Variants in PEG3 observed in about 807,000 individuals in gnomAD.
PEG3 encodes paternally-expressed gene 3 protein.
In PEG3, 23 loss-of-function variants were observed where a neutral mutation model predicts 35.5. The ratio of observed to expected loss-of-function variants is 0.65; its 90% CI spans 0.47 to 0.92. The LOEUF (loss-of-function observed/expected upper bound fraction) is 0.92. Ranked by LOEUF, PEG3 falls within the 40% of genes least tolerant of loss-of-function variation. PEG3 has a pLI of 0.00. For missense variants in PEG3, 1,960 were observed against 1,985.3 expected (o/e 0.99, Z 0.24); for synonymous variants, 707 against 697.0 (o/e 1.01, Z -0.23).
chr19:56,836,248 G>T, intron 1 of PEG3, 144 bp from the exon 2 acceptor site: 1 of 358,314 alleles, frequency 2.8e-6, no homozygotes, highest in South Asian at 2.1e-5. Context: ...TCCCATCCAG[G>T]ATGAATGGCC....
intron 4 of PEG3, among the ~76,000 whole-genome samples, chr19:56,824,048 C>CCAGGGGATACCTGGGCATGTGTGG (rs2060776603): frequency 6.6e-6 from 1 of 152,140 alleles, no homozygotes; most frequent in African/African-American, 2.4e-5. Flanking sequence ...GTTTTGGCGA[C>CCAGGGGATACCTGGGCATGTGTGG]CAGGGGATAC....
rs2059982909 is a variant in PEG3, at chr19:56,816,417, A to G, written c.2025T>C (p.Arg675=). 6.2e-7 allele frequency: 1 copy of G among 1,613,834 alleles called. No individual in the cohort carries two copies. Among genetic ancestry groups the G allele is most frequent in the African/African-American group, 1.3e-5 (1 of 74,894 alleles). ...GCTTCTCCTTATTGTAAGTTTTCTG[A>G]CGCCTTTTAAGGGACTGACCAGGAA... ...TFIPGQSLKR[R]QKTYNKEKLC... The change falls in exon 10 of 10, where the codon CGT becomes CGC. Residue 675 remains arginine (R), a synonymous_variant. Coordinates refer to ENST00000326441, the MANE Select transcript of PEG3 (RefSeq NM_006210.3).
At chr19:56,823,554 C>T in intron 5 of PEG3, 39 bp downstream of exon 5, 1 of 1,613,362 alleles carries the variant, frequency 6.2e-7, no homozygotes, top group Non-Finnish European at 8.5e-7. Flanking sequence ...TCTGGCAGCG[C>T]CTGCCCATGG....
At chr19:56,835,881 TG>T in intron 2 of PEG3, 136 bp downstream of exon 2, 1 of 372,716 alleles carries the variant, frequency 2.7e-6, no homozygotes, top group Middle Eastern at 3.9e-4. Context: ...CAGAAGAGTC[TG>T]GGTGTTCTCA....
Position 56,817,407 on chromosome 19 carries a change from T to C in PEG3, c.1035A>G (p.Ser345=), listed in dbSNP as rs1333412154. The C allele has an allele frequency of 1.2e-6, 2 of 1,614,030 alleles. No individual in the cohort carries two copies. The highest frequency in any genetic ancestry group is 1.7e-6 in the Non-Finnish European group (2 of 1,179,992). ...SDRSQRFPRM[S]DDNWKDISLN... ...ATGAAATGTCCTTCCAGTTATCATC[T>C]GACATTCTGGGGAATCTCTGTGACC... The change falls in exon 10 of 10, where the codon TCA becomes TCG. Residue 345 remains serine (S), a synonymous_variant. Coordinates refer to ENST00000326441, the MANE Select transcript of PEG3 (RefSeq NM_006210.3).
intron 2 of PEG3, among the ~76,000 whole-genome samples, chr19:56,831,043 T>G (rs2061525134): frequency 6.6e-6 from 1 of 152,204 alleles, no homozygotes; most frequent in Non-Finnish European, 1.5e-5. Flanking sequence ...TCCTTTTTAT[T>G]TTGAGGTGGG....
Position 56,814,482 on chromosome 19 carries a change from A to G in PEG3, c.3960T>C (p.Phe1320=). 1.2e-6 allele frequency: 2 copies of G among 1,613,772 alleles called. No individual in the cohort carries two copies. The highest frequency in any genetic ancestry group is 1.7e-6 in the Non-Finnish European group (2 of 1,179,616). ...EYGSSYTHTS[F]LTEPLKGAIP... is the part of the protein sequence containing the mutation. ...TAGCTCCTTTGAGGGGCTCAGTAAG[A>G]AATGAGGTGTGAGTATAGGAGGACC... The change falls in exon 10 of 10, where the codon TTT becomes TTC. Residue 1320 remains phenylalanine, a synonymous_variant. Transcript: ENST00000326441. This position sits in a 1 kb window ranked among gnomAD's most constrained non-coding sequence, Gnocchi z 5.8.
chr19:56,829,070 G>A (rs1230070859), intron 2 of PEG3, among the ~76,000 whole-genome samples: 1 of 152,172 alleles, frequency 6.6e-6, no homozygotes, highest in Admixed American at 6.5e-5. Context: ...GTCAGCTGCA[G>A]CTGGGCGCAG....
Position 56,812,589 on chromosome 19 carries a change from G to C in PEG3, c.*1086C>G, listed in dbSNP as rs751023756. ...CTGCACAGGGGACCCAAGCCATGTT[G>C]CTACTTGTCACTTAAGGCAGGAAGC... On this transcript the variant is annotated 3_prime_UTR_variant, in exon 10 of 10. Coordinates refer to ENST00000326441, the MANE Select transcript of PEG3 (RefSeq NM_006210.3). 20 of 985,642 alleles carry C rather than the reference G, an allele frequency of 2.0e-5. No homozygotes were observed. Among genetic ancestry groups the C allele is most frequent in the Non-Finnish European group, 2.4e-5 (20 of 829,900 alleles). 61.1% of individuals were successfully genotyped at this position (985,642 alleles called of 1,614,324 possible).
chr19:56,822,498 T>C (rs1039409085), intron 6 of PEG3: 6 of 109,170 alleles, frequency 5.5e-5, no homozygotes, highest in Admixed American at 2.7e-4. Context: ...AACTTCCAGT[T>C]TTTTTTTTTT....
intron 1 of PEG3, among the ~76,000 whole-genome samples, chr19:56,840,050 GGGCACGCCGGCGCCGCGAGGCCGAT>G (rs1185365363): frequency 6.6e-6 from 1 of 152,222 alleles, no homozygotes; most frequent in Non-Finnish European, 1.5e-5. Flanking sequence ...GAGGGTAGCC[GGGCACGCCGGCGCCGCGAGGCCGAT>G]GGCACCCCGC....
At chr19:56,836,703 T>A (rs2146655200) in intron 1 of PEG3, among the ~76,000 whole-genome samples, 1 of 152,304 alleles carries the variant, frequency 6.6e-6, no homozygotes, top group Non-Finnish European at 1.5e-5. Context: ...GCGCAGTGAC[T>A]CGCGCCTGTA....
rs1600843591 is a variant in PEG3, at chr19:56,810,797, AGTT to A, written c.*2875_*2877del. The A allele has an allele frequency of 1.5e-5, 15 of 973,336 alleles. No homozygotes were observed. Among genetic ancestry groups the A allele is most frequent in the Non-Finnish European group, 1.3e-5 (11 of 818,966 alleles). 60.3% of individuals were successfully genotyped at this position (973,336 alleles called of 1,614,324 possible). A position where few individuals can be genotyped will look rare whatever the true frequency, so the allele number is the denominator to read the frequency against. Reference sequence around the variant, plus strand: ...GGAAACAGATCAAGATGTTAGCAGTAGTTGTTAGGTGTTGGGAATATAGGTAAT... The same window carrying A: ...GGAAACAGATCAAGATGTTAGCAGTAGTTAGGTGTTGGGAATATAGGTAAT... On this transcript the variant is annotated 3_prime_UTR_variant, in exon 10 of 10. Transcript: ENST00000326441.
At position 56,817,041 on chromosome 19, in the gene PEG3, A is replaced by C; in HGVS notation, c.1401T>G (p.Phe467Leu). The C allele has an allele frequency of 6.2e-7, 1 of 1,614,130 alleles. No homozygotes were observed. Among genetic ancestry groups the C allele is most frequent in the African/African-American group, 1.3e-5 (1 of 75,024 alleles). ...CGRSFSVISE[F>L]VEHQIMHTRE... is the part of the protein sequence containing the mutation. ...TAGTATGCATGATCTGGTGCTCAAC[A>C]AATTCTGAGATGACACTGAACGACC... The change falls in exon 10 of 10, where the codon TTT becomes TTG. Residue 467 changes from phenylalanine to leucine, a missense_variant. By Grantham distance (22) the Phe-to-Leu change is conservative. This residue lies in a region of PEG3 where 9 missense variants were observed against 29.6 expected (regional missense o/e 0.30). Transcript: ENST00000326441.
Position 56,811,133 on chromosome 19 carries a change from T to C in PEG3, c.*2542A>G. The stretch of plus-strand genomic sequence containing the variant: ...CCTCCACTTTTCTGTATTTTCCAAG[T>C]GTGTGATAATGAGTTCAAATTATGT... On this transcript the variant is annotated 3_prime_UTR_variant, in exon 10 of 10. Transcript: ENST00000326441. The C allele has an allele frequency of 1.0e-6, 1 of 982,462 alleles. No individual in the cohort carries two copies. Among genetic ancestry groups the C allele is most frequent in the Non-Finnish European group, 1.2e-6 (1 of 827,238 alleles). 60.9% of individuals were successfully genotyped at this position (982,462 alleles called of 1,614,324 possible). A position where few individuals can be genotyped will look rare whatever the true frequency, so the allele number is the denominator to read the frequency against.
chr19:56,810,714 C>G lies in PEG3; in HGVS notation c.*2961G>C. The G allele has an allele frequency of 1.0e-6, 1 of 983,982 alleles. No homozygotes were observed. Among genetic ancestry groups the G allele is most frequent in the Non-Finnish European group, 1.2e-6 (1 of 828,658 alleles). 61.0% of individuals were successfully genotyped at this position (983,982 alleles called of 1,614,324 possible). A position where few individuals can be genotyped will look rare whatever the true frequency, so the allele number is the denominator to read the frequency against. ...ATTTTCCACATCTTTTCATTTAAGA[C>G]TTTATGCACACATATTTAACACTGT... On this transcript the variant is annotated 3_prime_UTR_variant, in exon 10 of 10. Coordinates refer to ENST00000326441, the MANE Select transcript of PEG3 (RefSeq NM_006210.3).
rs2060023510 is a variant in PEG3 at position 56,816,827 on chromosome 19, C to T, written c.1615G>A (p.Glu539Lys). The T allele has an allele frequency of 1.9e-6, 3 of 1,614,178 alleles. No homozygotes were observed. Among genetic ancestry groups the T allele is most frequent in the Non-Finnish European group, 2.5e-6 (3 of 1,180,022 alleles). The change falls in exon 10 of 10, where the codon GAA becomes AAA. Residue 539 changes from glutamate (E) to lysine (K), a missense_variant. Physicochemically the swap from Glu to Lys is moderately conservative, Grantham distance 56. Around this residue, in one of 5 missense-constraint regions of PEG3, gnomAD observed 798 missense variants for 782.4 expected, o/e 1.02. Coordinates refer to ENST00000326441, the MANE Select transcript of PEG3 (RefSeq NM_006210.3). ...CTAGGCATGAAGGCTTCCTCACATT[C>T]CTGATTCTTACATTCCACAAGATAA... ...RGYLVECKNQ[E>K]CEEAFMPSPT...
At chr19:56,826,940 G>C (rs1162530762) in intron 2 of PEG3, among the ~76,000 whole-genome samples, 1 of 152,054 alleles carries the variant, frequency 6.6e-6, no homozygotes, top group Non-Finnish European at 1.5e-5. Flanking sequence ...AGTACCCTAG[G>C]TGAAAGCTAT....
intron 7 of PEG3, 134 bp from the exon 8 acceptor site, chr19:56,818,836 A>G: frequency 9.9e-7 from 1 of 1,012,732 alleles, no homozygotes; most frequent in East Asian, 2.5e-5. Flanking sequence ...GTTCTGAGTG[A>G]TCCAAGTCAA....
Sources: allele counts gnomAD v4.1 joint callset (sites outside exome capture counted in the v4.1 genomes callset), GRCh38; gene constraint gnomAD v4.1.1; regional missense constraint gnomAD v4.1.1; non-coding constraint Gnocchi (gnomAD v3.1); transcripts MANE v1.5; gene names NCBI Gene and HGNC (gene_info 2026-07-23, HGNC 2026-07-21).